Variants in SNRPN observed in about 807,000 individuals in gnomAD.
The protein encoded by SNRPN is small nuclear ribonucleoprotein-associated protein N.
SNRPN carries 7 observed loss-of-function variants against 25.2 expected under a neutral mutation model. The ratio of observed to expected loss-of-function variants is 0.28; its 90% CI spans 0.16 to 0.52. The LOEUF is 0.52. Ranked by LOEUF, SNRPN falls within the 20% of genes least tolerant of loss-of-function variation. The pLI is 0.96. For synonymous variants in SNRPN, 124 were observed against 110.6 expected (o/e 1.12, Z -0.76); for missense variants, 196 against 322.5 (o/e 0.61, Z 3.00).
intron 3 of SNRPN, among the ~76,000 whole-genome samples, chr15:24,922,213 C>G (rs1307626688): frequency 6.6e-6 from 1 of 151,928 alleles, no homozygotes; most frequent in East Asian, 1.9e-4. Context: ...AACTCCGTCT[C>G]AAAAAAGAGA....
chr15:24,966,525 T>G (rs1446262404), intron 2 of SNRPN, among the ~76,000 whole-genome samples: 1 of 152,146 alleles, frequency 6.6e-6, no homozygotes, highest in African/African-American at 2.4e-5. Context: ...CCAGGAGGGC[T>G]TGCTCAAAAC....
chr15:24,832,632 G>A (rs540549979), intron 2 of SNRPN, among the ~76,000 whole-genome samples: 12 of 152,064 alleles, frequency 7.9e-5, no homozygotes, highest in Admixed American at 3.9e-4. Flanking sequence ...CCCTTTCCAC[G>A]CAATGGAAGG....
intron 3 of SNRPN, among the ~76,000 whole-genome samples, chr15:24,924,154 T>C (rs1185518866): frequency 6.6e-6 from 1 of 151,612 alleles, no homozygotes; most frequent in Non-Finnish European, 1.5e-5. Flanking sequence ...GTCAGATTAA[T>C]GGGAGAAAAG....
intron 3 of SNRPN, 53 bp from the exon 4 acceptor site, chr15:24,974,258 T>A: frequency 1.7e-6 from 1 of 600,748 alleles, no homozygotes; most frequent in Non-Finnish European, 3.0e-6. Context: ...ATTGTCTGCC[T>A]GTTTTAAAAC....
intron 1 of SNRPN, among the ~76,000 whole-genome samples, chr15:24,864,906 G>A (rs527958098): frequency 6.6e-6 from 1 of 151,998 alleles, no homozygotes; most frequent in East Asian, 1.9e-4. Flanking sequence ...GTATATATTT[G>A]TTAACATAAA....
chr15:24,928,559 G>A (rs545945971), intron 3 of SNRPN, among the ~76,000 whole-genome samples: 63 of 149,714 alleles, frequency 4.2e-4, no homozygotes, highest in African/African-American at 1.4e-3. Flanking sequence ...ATAAATAATG[G>A]TCAGTATCAA....
intron 2 of SNRPN, among the ~76,000 whole-genome samples, chr15:24,887,916 T>C (rs2057339772): frequency 1.3e-5 from 2 of 152,084 alleles, no homozygotes; most frequent in Non-Finnish European, 2.9e-5. Flanking sequence ...TGGACTGACC[T>C]GAGGACTTAT....
At chr15:24,967,849 A>C in intron 2 of SNRPN, 83 bp from the exon 3 acceptor site, 3 of 1,049,954 alleles carry the variant, frequency 2.9e-6, no homozygotes, top group Non-Finnish European at 2.9e-6. Flanking sequence ...CTTAAATGTA[A>C]GGGTACCTAG....
At chr15:24,903,577 T>C (rs1042999473) in intron 2 of SNRPN, among the ~76,000 whole-genome samples, 3 of 152,204 alleles carry the variant, frequency 2.0e-5, no homozygotes, top group African/African-American at 7.2e-5. Flanking sequence ...CCATTCATGC[T>C]TTCCAATGGA....
At chr15:24,827,645 G>A (rs1366169669) in intron 1 of SNRPN, among the ~76,000 whole-genome samples, 1 of 151,848 alleles carries the variant, frequency 6.6e-6, no homozygotes, top group African/African-American at 2.4e-5. Context: ...GAGGCAGGAG[G>A]ATCACGAGGT....
chr15:24,931,016 C>T (rs939510156), intron 3 of SNRPN, among the ~76,000 whole-genome samples: 16 of 152,062 alleles, frequency 1.1e-4, no homozygotes, highest in African/African-American at 3.4e-4. Flanking sequence ...CACCACTGCA[C>T]TCCAGCCTGG....
intron 2 of SNRPN, among the ~76,000 whole-genome samples, chr15:24,838,032 T>C (rs938146417): frequency 7.6e-6 from 1 of 130,754 alleles, no homozygotes; most frequent in Non-Finnish European, 1.7e-5. Context: ...CAACTCTTTA[T>C]TTATTTATTT....
intron 2 of SNRPN, among the ~76,000 whole-genome samples, chr15:24,904,346 T>C (rs2058661267): frequency 6.6e-6 from 1 of 152,138 alleles, no homozygotes; most frequent in Non-Finnish European, 1.5e-5. Context: ...ACATGCATAG[T>C]TCATATTTTA....
At chr15:24,930,261 G>A (rs2060724258) in intron 3 of SNRPN, among the ~76,000 whole-genome samples, 1 of 148,984 alleles carries the variant, frequency 6.7e-6, no homozygotes, top group Non-Finnish European at 1.5e-5. Flanking sequence ...TAGTGATTGG[G>A]TCTATGAGTA....
At chr15:24,905,661 G>A (rs934236376) in intron 2 of SNRPN, among the ~76,000 whole-genome samples, 1 of 152,158 alleles carries the variant, frequency 6.6e-6, no homozygotes, top group African/African-American at 2.4e-5. Flanking sequence ...TAGCTGCCAG[G>A]CTTTTAATGA....
intron 2 of SNRPN, among the ~76,000 whole-genome samples, chr15:24,836,514 C>T (rs576551990): frequency 1.3e-5 from 2 of 151,978 alleles, no homozygotes; most frequent in African/African-American, 2.4e-5. Flanking sequence ...CGTTTTCAAG[C>T]GATTCTCCTG....
At chr15:24,857,417 T>A (rs867249269) in intron 1 of SNRPN, among the ~76,000 whole-genome samples, 25 of 152,210 alleles carry the variant, frequency 1.6e-4, no homozygotes, top group African/African-American at 6.0e-4. Context: ...ATTTTGGGTT[T>A]TTTTTATGTT....
chr15:24,888,197 C>T (rs956766670), intron 2 of SNRPN, among the ~76,000 whole-genome samples: 5 of 151,784 alleles, frequency 3.3e-5, no homozygotes, highest in Non-Finnish European at 7.4e-5. Context: ...CAACCTCCGC[C>T]TCCCAGGTTC....
chr15:24,895,533 T>C (rs2058035708), intron 2 of SNRPN, among the ~76,000 whole-genome samples: 1 of 151,886 alleles, frequency 6.6e-6, no homozygotes, highest in African/African-American at 2.4e-5. Flanking sequence ...GAAATTGCCA[T>C]CACATATCTG....
Sources: allele counts gnomAD v4.1 joint callset (sites outside exome capture counted in the v4.1 genomes callset), GRCh38; gene constraint gnomAD v4.1.1; transcripts MANE v1.5; gene names NCBI Gene and HGNC (gene_info 2026-07-23, HGNC 2026-07-21).